Variants in PCDHGB2 observed in about 807,000 individuals in gnomAD.
The protein encoded by PCDHGB2 is protocadherin gamma-B2.
A neutral mutation model predicts 59.3 loss-of-function variants in PCDHGB2; 55 were observed. The ratio of observed to expected loss-of-function variants is 0.93; its 90% CI spans 0.75 to 1.16. The LOEUF (loss-of-function observed/expected upper bound fraction) is 1.16, where lower values mean the gene tolerates loss of function less well. Among genes scored for constraint, PCDHGB2 ranks in the 50% most tolerant of loss-of-function variants. The pLI is 0.00. For missense variants in PCDHGB2, 1,228 were observed against 1,198.5 expected (o/e 1.02, Z -0.36); for synonymous variants, 516 against 512.0 (o/e 1.01, Z -0.11).
intron 1 of PCDHGB2, chr5:141,384,729 G>A: frequency 6.2e-7 from 1 of 1,614,122 alleles, no homozygotes; most frequent in Non-Finnish European, 8.5e-7. Context: ...TCCTGCTTAA[G>A]GCCAGCGAGC....
intron 1 of PCDHGB2, among the ~76,000 whole-genome samples, chr5:141,460,454 T>C (rs1010186960): frequency 6.6e-6 from 1 of 152,194 alleles, no homozygotes; most frequent in Admixed American, 6.6e-5. Context: ...TGAAGATTCA[T>C]ATTTTTTTCC....
At chr5:141,414,290 T>C (rs781378958) in intron 1 of PCDHGB2, 1 of 1,613,272 alleles carries the variant, frequency 6.2e-7, no homozygotes, top group Admixed American at 1.7e-5. Context: ...GTCGTAGCCC[T>C]TTTAAATGTG....
intron 1 of PCDHGB2, chr5:141,366,063 C>G: frequency 6.2e-7 from 1 of 1,614,246 alleles, no homozygotes; most frequent in Non-Finnish European, 8.5e-7. Flanking sequence ...GTGGAGCTGG[C>G]GCCTCGCTCC....
chr5:141,384,986 C>T (rs867210871), intron 1 of PCDHGB2: 11 of 1,613,988 alleles, frequency 6.8e-6, no homozygotes, highest in Middle Eastern at 1.6e-4. Flanking sequence ...CTGGTGGTGG[C>T]GGTGGCCACA....
At chr5:141,375,777 C>T in intron 1 of PCDHGB2, 1 of 1,614,250 alleles carries the variant, frequency 6.2e-7, no homozygotes, top group African/African-American at 1.3e-5. Flanking sequence ...ATCCTGTACC[C>T]CGCCCTCCCC....
At chr5:141,471,801 CAT>C (rs1165290367) in intron 1 of PCDHGB2, among the ~76,000 whole-genome samples, 1 of 152,114 alleles carries the variant, frequency 6.6e-6, no homozygotes, top group African/African-American at 2.4e-5. Context: ...ATATAAAAGA[CAT>C]ATAAAAGACT....
rs545524357 is a variant in PCDHGB2, at chr5:141,467,902, G to A, written c.2422-26905G>A. ...TCAAACTCCTGAGCTCAAGAAATCC[G>A]CCCACCTCAGCCTCCCAAAATGCTA... On this transcript the variant is annotated intron_variant, in intron 1 of 3. Coordinates refer to ENST00000522605, the MANE Select transcript of PCDHGB2 (RefSeq NM_018923.3). 1.1e-4 allele frequency among the ~76,000 whole-genome samples: 16 copies of A among 151,862 alleles called. No homozygotes were observed. The East Asian group carries it at 2.3e-3, about 22-fold the overall frequency.
intron 1 of PCDHGB2, chr5:141,414,536 C>T (rs2095757034): frequency 6.2e-7 from 1 of 1,613,976 alleles, no homozygotes; most frequent in African/African-American, 1.3e-5. Context: ...GACAACCCAC[C>T]TACCTTCTCT....
At chr5:141,422,470 T>G in intron 1 of PCDHGB2, 1 of 1,613,440 alleles carries the variant, frequency 6.2e-7, no homozygotes, top group South Asian at 1.1e-5. Flanking sequence ...GGACAGGGAG[T>G]TGGTCCAGAG....
chr5:141,421,709 C>T, intron 1 of PCDHGB2: 1 of 1,613,926 alleles, frequency 6.2e-7, no homozygotes, highest in Non-Finnish European at 8.5e-7. Flanking sequence ...GCTAGGGATC[C>T]AGATGTGGGC....
intron 1 of PCDHGB2, chr5:141,411,225 GC>G (rs1253575140): frequency 1.3e-5 from 2 of 152,092 alleles, no homozygotes; most frequent in African/African-American, 4.8e-5. Flanking sequence ...ATTCAAATTT[GC>G]GAAGACTTAG....
At chr5:141,405,024 T>C in intron 1 of PCDHGB2, 1 of 1,613,920 alleles carries the variant, frequency 6.2e-7, no homozygotes, top group Non-Finnish European at 8.5e-7. Flanking sequence ...GACCTTACCC[T>C]CTACCTCGTT....
chr5:141,440,959 G>A (rs1313315196), intron 1 of PCDHGB2: 1 of 152,216 alleles, frequency 6.6e-6, no homozygotes, highest in Non-Finnish European at 1.5e-5. Flanking sequence ...TCAAGGCAGA[G>A]ATCACATATG....
At chr5:141,407,708 G>C (rs2094972839) in intron 1 of PCDHGB2, among the ~76,000 whole-genome samples, 1 of 152,106 alleles carries the variant, frequency 6.6e-6, no homozygotes, top group African/African-American at 2.4e-5. Flanking sequence ...TGAAGGTGGG[G>C]TGATGGCTAT....
At position 141,466,670 on chromosome 5, in the gene PCDHGB2, G is replaced by C. The variant is rs994949602; in HGVS notation, c.2422-28137G>C. On this transcript the variant is annotated intron_variant, in intron 1 of 3. Transcript: ENST00000522605. ...TTCACAAAACATCAGTGATTTCACC[G>C]TTCTTCCACTCAAGCTTCATCATAA... Among the ~76,000 whole-genome samples, 3 of 152,046 alleles carry C rather than the reference G, an allele frequency of 2.0e-5. No homozygotes were observed. The South Asian group carries it at 6.2e-4, about 32-fold the overall frequency.
intron 1 of PCDHGB2, among the ~76,000 whole-genome samples, chr5:141,470,854 A>G (rs553276517): frequency 6.6e-6 from 1 of 152,028 alleles, no homozygotes; most frequent in Admixed American, 6.6e-5. Context: ...TGCTCAGATA[A>G]GTTTTTTGTT....
chr5:141,431,560 C>T lies in PCDHGB2; in HGVS notation c.2422-63247C>T, dbSNP rs751276470. On this transcript the variant is annotated intron_variant, in intron 1 of 3. Coordinates refer to ENST00000522605, the MANE Select transcript of PCDHGB2 (RefSeq NM_018923.3). This position sits in a 1 kb window ranked among gnomAD's most constrained non-coding sequence, Gnocchi z 4.8. ...CGCAGCTGCTTGTAGTCAACGCTAC[C>T]GACCCTGACGAAGGAGTCAATGCGG... The T allele has an allele frequency of 6.2e-7, 1 of 1,614,104 alleles. No individual in the cohort carries two copies. The highest frequency in any genetic ancestry group is 1.7e-5 in the Admixed American group (1 of 60,036).
chr5:141,396,943 G>A (rs1388753275), intron 1 of PCDHGB2, among the ~76,000 whole-genome samples: 6 of 152,178 alleles, frequency 3.9e-5, no homozygotes, highest in African/African-American at 1.2e-4. Flanking sequence ...TGCCCTGGTA[G>A]GAAAGAAAAT....
At chr5:141,384,522 T>G (rs1251146864) in intron 1 of PCDHGB2, 2 of 1,614,074 alleles carry the variant, frequency 1.2e-6, no homozygotes, top group East Asian at 2.2e-5. Context: ...GGGACCCGCC[T>G]CTCAGCAGCA....
Sources: allele counts gnomAD v4.1 joint callset (sites outside exome capture counted in the v4.1 genomes callset), GRCh38; gene constraint gnomAD v4.1.1; non-coding constraint Gnocchi (gnomAD v3.1); transcripts MANE v1.5; gene names NCBI Gene and HGNC (gene_info 2026-07-23, HGNC 2026-07-21).